The following PCDHA7 variants were observed in gnomAD, a reference collection of about 807,000 sequenced individuals.
The protein encoded by PCDHA7 is protocadherin alpha 7, also known as protocadherin alpha-7.
Under a neutral mutation model 57.2 loss-of-function variants are expected in PCDHA7, and 37 were observed. That is an observed-to-expected ratio of 0.65 (90% CI 0.50 to 0.85). The LOEUF (loss-of-function observed/expected upper bound fraction) is 0.85. PCDHA7 is among the 40% of genes least tolerant of loss of function. The pLI, the probability that PCDHA7 is intolerant of heterozygous loss-of-function variation, is 0.00. For missense variants in PCDHA7, 1,188 were observed against 1,241.8 expected (o/e 0.96, Z 0.65); for synonymous variants, 553 against 558.8 (o/e 0.99, Z 0.15).
Position 140,978,953 on chromosome 5 carries a change from G to A in PCDHA7, c.2360G>A (p.Arg787Gln), listed in dbSNP as rs781913955. The A allele has an allele frequency of 1.4e-5, 23 of 1,613,930 alleles. No homozygotes were observed. In the South Asian group the frequency reaches 2.0e-4, roughly 14 times the overall value. Residue 787 changes from arginine to glutamine, a missense_variant, in exon 2 of 4, where the codon CGA becomes CAA. Arg to Gln is a conservative substitution (Grantham distance 43, BLOSUM62 1). Around this residue, in one of 3 missense-constraint regions of PCDHA7, gnomAD observed 892 missense variants for 788.5 expected, o/e 1.13. Transcript: ENST00000525929. ...PQGPSSTDNP[R>Q]QPNPDWRYSA... ...ACTCTCTTTGTGATTTTGCAGCCAC[G>A]ACAGCCCAACCCTGACTGGCGTTAC...
intron 1 of PCDHA7, among the ~76,000 whole-genome samples, chr5:140,946,629 T>TATATATATATATATATATATATATATAC (rs1367833800): frequency 2.4e-5 from 3 of 123,274 alleles, no homozygotes; most frequent in Non-Finnish European, 3.6e-5. Context: ...TATATATATA[T>TATATATATATATATATATATATATATAC]ATACAATGGA....
chr5:140,974,720 C>T (rs1554236283), intron 1 of PCDHA7, among the ~76,000 whole-genome samples: 1 of 152,070 alleles, frequency 6.6e-6, no homozygotes, highest in African/African-American at 2.4e-5. Context: ...AAGCTGCTCT[C>T]GAACTCCTGT....
chr5:140,903,958 T>G (rs960235173), intron 1 of PCDHA7, among the ~76,000 whole-genome samples: 1 of 152,236 alleles, frequency 6.6e-6, no homozygotes, highest in Non-Finnish European at 1.5e-5. Context: ...GAAAATTATT[T>G]GTTGATTTTT....
Position 140,961,453 on chromosome 5 carries a change from C to A in PCDHA7, c.2356-17496C>A, listed in dbSNP as rs138800149. On this transcript the variant is annotated intron_variant, in intron 1 of 3. Transcript: ENST00000525929. ...AAAATCACCTAACTACACTGTCTTG[C>A]AGCTGCCTTTCTTTTTTTGTCTTGT... Among the ~76,000 whole-genome samples the A allele has an allele frequency of 2.6e-3, 401 of 152,318 alleles. 1 individual carries two copies. The highest frequency in any genetic ancestry group is 9.2e-3 in the African/African-American group (384 of 41,574).
intron 1 of PCDHA7, among the ~76,000 whole-genome samples, chr5:140,900,835 C>A (rs1023887892): frequency 1.3e-5 from 2 of 152,150 alleles, no homozygotes; most frequent in African/African-American, 4.8e-5. Flanking sequence ...CAACAATGTA[C>A]AAAGTTTCCC....
At chr5:140,968,341 C>T in intron 1 of PCDHA7, 1 of 1,614,132 alleles carries the variant, frequency 6.2e-7, no homozygotes, top group Non-Finnish European at 8.5e-7. Context: ...TCTCCATTAA[C>T]AGTGCCAGTG....
chr5:140,913,764 T>C (rs2076457452), intron 1 of PCDHA7, among the ~76,000 whole-genome samples: 1 of 152,162 alleles, frequency 6.6e-6, no homozygotes, highest in Admixed American at 6.5e-5. Flanking sequence ...TCATAGGTTT[T>C]GGCATGTTGT....
chr5:140,876,148 G>A, intron 1 of PCDHA7: 1 of 1,613,954 alleles, frequency 6.2e-7, no homozygotes, highest in East Asian at 2.2e-5. Context: ...AACAGGGTCT[G>A]TCCAGATTCA....
intron 3 of PCDHA7, among the ~76,000 whole-genome samples, chr5:140,992,189 G>T (rs1554252741): frequency 6.6e-6 from 1 of 152,098 alleles, no homozygotes; most frequent in Non-Finnish European, 1.5e-5. Context: ...TGCTTTCAGT[G>T]ATCTATCCAA....
At chr5:140,927,200 AC>A in intron 1 of PCDHA7, 1 of 1,614,014 alleles carries the variant, frequency 6.2e-7, no homozygotes, top group Non-Finnish European at 8.5e-7. Context: ...GTGCTCGAGG[AC>A]CCGCTGGAGC....
At chr5:140,965,903 A>T (rs73793545) in intron 1 of PCDHA7, among the ~76,000 whole-genome samples, 2,475 of 152,308 alleles carry the variant, frequency 0.016, 63 homozygotes, top group African/African-American at 0.056. Context: ...CTTGGATCCC[A>T]GGATGCTGGT....
intron 1 of PCDHA7, chr5:140,848,587 T>C (rs2150413508): frequency 6.3e-7 from 1 of 1,594,838 alleles, no homozygotes; most frequent in Non-Finnish European, 8.6e-7. Flanking sequence ...AGCGGCCAGC[T>C]CCACTACTCC....
At chr5:140,871,086 G>GGCCACC (rs782688668) in intron 1 of PCDHA7, 1 of 1,613,256 alleles carries the variant, frequency 6.2e-7, no homozygotes, top group Non-Finnish European at 8.5e-7. Context: ...TGACGGCCAC[G>GGCCACC]GCCACCGTGC....
intron 3 of PCDHA7, 32 bp downstream of exon 3, chr5:140,982,595 G>A (rs1554244629): frequency 6.2e-7 from 1 of 1,609,520 alleles, no homozygotes; most frequent in Non-Finnish European, 8.5e-7. Flanking sequence ...ATTCTTTCTT[G>A]GTTTCTGGAA....
intron 1 of PCDHA7, among the ~76,000 whole-genome samples, chr5:140,874,504 C>A (rs2054953142): frequency 6.6e-6 from 1 of 152,198 alleles, no homozygotes; most frequent in Admixed American, 6.5e-5. Flanking sequence ...AGTTCACATT[C>A]TCTTGACTTT....
intron 1 of PCDHA7, chr5:140,865,437 T>C (rs951308725): frequency 3.3e-5 from 5 of 152,200 alleles, no homozygotes; most frequent in Non-Finnish European, 7.3e-5. Context: ...GAAAAATAAC[T>C]TCTGAGAAGA....
intron 1 of PCDHA7, chr5:140,926,870 G>A: frequency 6.6e-7 from 1 of 1,524,514 alleles, no homozygotes; most frequent in South Asian, 1.3e-5. Context: ...CGTGTTGGTG[G>A]AACGTGGACG....
At chr5:140,968,141 A>G in intron 1 of PCDHA7, 1 of 1,614,110 alleles carries the variant, frequency 6.2e-7, no homozygotes, top group Non-Finnish European at 8.5e-7. Context: ...GAAGGTTGAG[A>G]TCTCTGACAT....
At position 140,852,858 on chromosome 5, in the gene PCDHA7, A is replaced by G; in HGVS notation, c.2355+16120A>G. ...TAGAGCTAGTACTTACTAAGCATTT[A>G]CTATGTCATCAATAATCATAAAACG... On this transcript the variant is annotated intron_variant, in intron 1 of 3. Transcript: ENST00000525929. 4 of 962,678 alleles carry G rather than the reference A, an allele frequency of 4.2e-6. 1 individual carries two copies. The highest frequency in any genetic ancestry group is 5.0e-6 in the Non-Finnish European group (4 of 796,824). The allele number at this position is 962,678 out of a possible 1,614,324, so 59.6% of individuals were successfully genotyped here. A position where few individuals can be genotyped will look rare whatever the true frequency, so the allele number is the denominator to read the frequency against.
Sources: gnomAD v4.1 joint callset for allele counts (sites outside exome capture counted in the v4.1 genomes callset) on GRCh38, gnomAD v4.1.1 for gene constraint, gnomAD v4.1.1 regional missense constraint, MANE v1.5 for transcripts, NCBI Gene and HGNC (gene_info 2026-07-23, HGNC 2026-07-21) for gene names.